The following HESX1 variants were observed in gnomAD, a reference collection of about 807,000 sequenced individuals.
HESX1 encodes the protein homeobox expressed in ES cells 1.
HESX1 carries 11 observed loss-of-function variants against 22.5 expected under a neutral mutation model. That is an observed-to-expected ratio of 0.49 (90% CI 0.31 to 0.81). The LOEUF (loss-of-function observed/expected upper bound fraction) is 0.81, where lower values mean the gene tolerates loss of function less well. Ranked by LOEUF, HESX1 falls within the 30% of genes least tolerant of loss-of-function variation. The pLI, the probability that HESX1 is intolerant of heterozygous loss-of-function variation, is 0.05. For synonymous variants in HESX1, 74 were observed against 76.5 expected (o/e 0.97, Z 0.17); for missense variants, 201 against 212.6 (o/e 0.95, Z 0.34).
intron 1 of HESX1, among the ~76,000 whole-genome samples, chr3:57,225,396 G>C (rs1250800353): frequency 6.6e-6 from 1 of 152,044 alleles, no homozygotes; most frequent in Non-Finnish European, 1.5e-5. Context: ...CTGTCGCCCA[G>C]GCTGGAGTGC....
At chr3:57,205,055 C>T (rs954032654) in intron 1 of HESX1, among the ~76,000 whole-genome samples, 3 of 152,122 alleles carry the variant, frequency 2.0e-5, no homozygotes, top group African/African-American at 4.8e-5. Flanking sequence ...TTTCTATGAA[C>T]ACAGCAGCCA....
At chr3:57,201,855 A>ATATCTATATCTATC (rs1332896520), upstream of HESX1, among the ~76,000 whole-genome samples, 1 of 142,862 alleles carries the variant, frequency 7.0e-6, no homozygotes, top group African/African-American at 2.5e-5. Flanking sequence ...TTGGATTTAC[A>ATATCTATATCTATC]TATCTATATC....
At chr3:57,210,109 GA>G (rs565569934) in intron 1 of HESX1, among the ~76,000 whole-genome samples, 6 of 152,080 alleles carry the variant, frequency 3.9e-5, no homozygotes, top group African/African-American at 1.2e-4. Context: ...AATCAATTAA[GA>G]AAAAAACTGT....
At chr3:57,216,866 T>A (rs1039050876) in intron 1 of HESX1, among the ~76,000 whole-genome samples, 1 of 152,210 alleles carries the variant, frequency 6.6e-6, no homozygotes, top group Non-Finnish European at 1.5e-5. Flanking sequence ...TAACCCTATG[T>A]AAATATTGTT....
chr3:57,202,377 C>G (rs113527447), upstream of HESX1, among the ~76,000 whole-genome samples: 191 of 152,100 alleles, frequency 1.3e-3, 1 homozygote, highest in African/African-American at 4.4e-3. Flanking sequence ...TCACTGTTAC[C>G]CAGGCTGGAG....
At chr3:57,216,519 G>A (rs553016944) in intron 1 of HESX1, among the ~76,000 whole-genome samples, 1 of 152,276 alleles carries the variant, frequency 6.6e-6, no homozygotes, top group African/African-American at 2.4e-5. Context: ...GGCTGAGGTG[G>A]GAGGATCACC....
rs372321128 is a variant in HESX1 at position 57,214,100 on chromosome 3, G to T, written c.-111+12196C>A. On this transcript the variant is annotated intron_variant, in intron 1 of 2. Transcript: ENST00000495160. The stretch of plus-strand genomic sequence containing the variant: ...TATTAGGTATGATAATGTGATTATG[G>T]TTACCTAATATGCCCCTTTAAAAGA... 1.1e-3 allele frequency among the ~76,000 whole-genome samples: 160 copies of T among 152,198 alleles called. 1 individual carries two copies. The highest frequency in any genetic ancestry group is 3.6e-3 in the African/African-American group (151 of 41,518).
At chr3:57,221,901 G>A (rs539296543) in intron 1 of HESX1, among the ~76,000 whole-genome samples, 12 of 152,262 alleles carry the variant, frequency 7.9e-5, no homozygotes, top group South Asian at 6.2e-4. Flanking sequence ...CACTGCTCCC[G>A]GCCAATATGC....
chr3:57,198,593 C>T, intron 2 of HESX1, 101 bp from the exon 3 acceptor site: 2 of 1,015,456 alleles, frequency 2.0e-6, no homozygotes, highest in East Asian at 4.8e-5. Flanking sequence ...AATCTGGATG[C>T]CTTTTTAAAA....
At chr3:57,214,997 A>G (rs1387927089) in intron 1 of HESX1, among the ~76,000 whole-genome samples, 1 of 152,226 alleles carries the variant, frequency 6.6e-6, no homozygotes, top group Non-Finnish European at 1.5e-5. Flanking sequence ...TTACTTCAGA[A>G]TTAAGACAAA....
chr3:57,225,877 TTTTC>T lies in HESX1; in HGVS notation c.-111+415_-111+418del, dbSNP rs917654374. On this transcript the variant is annotated intron_variant, in intron 1 of 2. Coordinates refer to the HESX1 transcript ENST00000495160. ...TTAGGTAACAAATACTTTTCTTTTC[TTTTC>T]TTTTTTTTTTTTTTTTTGATACGTA... is the stretch of plus-strand genomic sequence containing the variant. 3.6e-5 allele frequency among the ~76,000 whole-genome samples: 5 copies of T among 137,180 alleles called. No homozygotes were observed. The South Asian group carries it at 7.2e-4, about 20-fold the overall frequency. 90.0% of individuals were successfully genotyped at this position (137,180 alleles called of 152,430 possible). A position where few individuals can be genotyped will look rare whatever the true frequency, so the allele number is the denominator to read the frequency against.
At chr3:57,216,711 T>C (rs1257950855) in intron 1 of HESX1, among the ~76,000 whole-genome samples, 2 of 152,232 alleles carry the variant, frequency 1.3e-5, no homozygotes, top group Admixed American at 1.3e-4. Context: ...GTTCTCATTA[T>C]TTCCAATCAG....
At chr3:57,211,132 C>T (rs995396088) in intron 1 of HESX1, among the ~76,000 whole-genome samples, 18 of 150,896 alleles carry the variant, frequency 1.2e-4, no homozygotes, top group Non-Finnish European at 1.8e-4. Flanking sequence ...GCAGGCGAAT[C>T]GCTTGAACCC....
intron 1 of HESX1, among the ~76,000 whole-genome samples, chr3:57,210,392 C>T (rs1409610694): frequency 1.3e-5 from 2 of 152,008 alleles, no homozygotes; most frequent in South Asian, 2.1e-4. Context: ...TCAGGAAAAA[C>T]GTACTAGGTC....
intron 1 of HESX1, among the ~76,000 whole-genome samples, chr3:57,210,234 T>A (rs1004146351): frequency 1.3e-5 from 2 of 152,250 alleles, no homozygotes; most frequent in Non-Finnish European, 2.9e-5. Flanking sequence ...TTGGACAGTC[T>A]ATATTTCAAA....
Position 57,198,022 on chromosome 3 carries a change from T to C in HESX1, c.*175A>G. On this transcript the variant is annotated 3_prime_UTR_variant, in exon 4 of 4. Transcript: ENST00000295934. ...ATATATAAAAGGTCTTTACTATAAC[T>C]AAAAGTGCCCAAATATGTACCATGC... is the stretch of plus-strand genomic sequence containing the variant. 1.9e-6 allele frequency: 1 copy of C among 535,126 alleles called. No individual in the cohort carries two copies. Among genetic ancestry groups the C allele is most frequent in the Non-Finnish European group, 3.3e-6 (1 of 300,590 alleles). 33.1% of individuals were successfully genotyped at this position (535,126 alleles called of 1,614,324 possible).
intron 2 of HESX1, 73 bp downstream of exon 2, chr3:57,198,680 G>C (rs2107564275): frequency 1.5e-6 from 2 of 1,351,212 alleles, no homozygotes; most frequent in East Asian, 4.6e-5. Flanking sequence ...ATACCAAAGT[G>C]AGTGGGCTTT....
intron 1 of HESX1, among the ~76,000 whole-genome samples, chr3:57,218,724 T>C (rs1172797939): frequency 1.3e-5 from 2 of 152,196 alleles, no homozygotes; most frequent in African/African-American, 4.8e-5. Context: ...ATTACAAACG[T>C]GAGCCACCAT....
intron 1 of HESX1, among the ~76,000 whole-genome samples, chr3:57,220,119 T>C (rs2060606865): frequency 1.3e-5 from 2 of 152,214 alleles, no homozygotes; most frequent in Admixed American, 1.3e-4. Flanking sequence ...TGCTCGTTTT[T>C]GTCAGCTTTG....
Sources: allele counts gnomAD v4.1 joint callset (sites outside exome capture counted in the v4.1 genomes callset), GRCh38; gene constraint gnomAD v4.1.1; transcripts MANE v1.5; gene names NCBI Gene and HGNC (gene_info 2026-07-23, HGNC 2026-07-21).